Variants in DCDC2C observed in about 807,000 individuals in gnomAD.
DCDC2C encodes doublecortin domain-containing protein 2C.
A neutral mutation model predicts 45.0 loss-of-function variants in DCDC2C; 44 were observed. The observed-to-expected ratio is 0.98, with a 90% CI of 0.77 to 1.26. DCDC2C has a LOEUF of 1.26. DCDC2C is among the 50% of genes most tolerant of loss of function. The probability of loss-of-function intolerance (pLI) is 0.00; values close to 1 mark genes in which losing one functional copy is unlikely to be tolerated. For synonymous variants in DCDC2C, 187 were observed against 178.8 expected, an observed-to-expected ratio of 1.05 and a Z score of -0.37; for missense variants, 447 against 468.9, an observed-to-expected ratio of 0.95 and a Z score of 0.43.
At chr2:3,716,899 T>C (rs1406297001) in intron 2 of DCDC2C, among the ~76,000 whole-genome samples, 1 of 152,170 alleles carries the variant, frequency 6.6e-6, no homozygotes, top group Non-Finnish European at 1.5e-5. Context: ...CTGAATTCCA[T>C]TCTATTGTAT....
intron 1 of DCDC2C, 178 bp downstream of exon 1, chr2:3,704,216 C>A (rs1251748117): frequency 5.6e-6 from 3 of 538,838 alleles, no homozygotes; most frequent in Non-Finnish European, 8.4e-6. Context: ...CACGTGGTTT[C>A]CTGGGGGCGA....
At chr2:3,704,874 C>T (rs949217344) in intron 1 of DCDC2C, among the ~76,000 whole-genome samples, 3 of 152,120 alleles carry the variant, frequency 2.0e-5, no homozygotes, top group Admixed American at 2.0e-4. Context: ...CTATTGCCCT[C>T]CCACGGTTTG....
intron 10 of DCDC2C, chr2:3,844,747 C>T (rs184314672): frequency 4.9e-4 from 74 of 152,322 alleles, no homozygotes; most frequent in African/African-American, 1.7e-3. Context: ...ATTCCTTCCT[C>T]TATTCCCTAA....
chr2:3,845,857 T>G (rs143507082), intron 10 of DCDC2C, among the ~76,000 whole-genome samples: 1 of 152,332 alleles, frequency 6.6e-6, no homozygotes, highest in East Asian at 1.9e-4. Context: ...CTCCACCATT[T>G]GTTGACCACA....
chr2:3,835,306 G>A (rs1415591766), intron 10 of DCDC2C, among the ~76,000 whole-genome samples: 2 of 152,278 alleles, frequency 1.3e-5, no homozygotes, highest in South Asian at 2.1e-4. Context: ...AATTATTAAA[G>A]CAATTTTTAT....
At chr2:3,764,931 C>A (rs1056085306) in intron 6 of DCDC2C, among the ~76,000 whole-genome samples, 3 of 152,188 alleles carry the variant, frequency 2.0e-5, no homozygotes, top group African/African-American at 7.2e-5. Flanking sequence ...AATACTATAT[C>A]AGATGAATAT....
intron 10 of DCDC2C, among the ~76,000 whole-genome samples, chr2:3,839,699 C>G (rs1558250405): frequency 6.6e-6 from 1 of 152,206 alleles, no homozygotes; most frequent in African/African-American, 2.4e-5. Context: ...TCTCTCCAAC[C>G]AGCTCTTCTG....
chr2:3,798,660 G>T (rs1307190348), intron 10 of DCDC2C, among the ~76,000 whole-genome samples: 2 of 150,036 alleles, frequency 1.3e-5, no homozygotes, highest in Non-Finnish European at 3.0e-5. Context: ...GAAATTCTGG[G>T]TTGAAAATTC....
chr2:3,758,894 A>G (rs1372534258), intron 6 of DCDC2C, among the ~76,000 whole-genome samples: 1 of 152,208 alleles, frequency 6.6e-6, no homozygotes, highest in Non-Finnish European at 1.5e-5. Context: ...ACTAGCCTAG[A>G]TTTCAGGAGG....
At chr2:3,829,284 C>CTTTTTTTT (rs5828893) in intron 10 of DCDC2C, among the ~76,000 whole-genome samples, 4 of 129,592 alleles carry the variant, frequency 3.1e-5, no homozygotes, top group Non-Finnish European at 4.9e-5. Context: ...ATGTCTTTTT[C>CTTTTTTTT]TTTTTTTTTT....
In DCDC2C at chr2:3,737,314, A is replaced by G. The variant is rs368516907; in HGVS notation, c.417-4606A>G. Among the ~76,000 whole-genome samples the G allele has an allele frequency of 1.1e-3, 162 of 152,260 alleles. 1 individual carries two copies. The highest frequency in any genetic ancestry group is 3.5e-3 in the African/African-American group (147 of 41,544). ...CTTGGAACTTGACCTGGTTCTTGAG[A>G]GCAAGCATTAGGCGACCTTCACCCC... On this transcript the variant is annotated intron_variant, in intron 3 of 10. Transcript: ENST00000399143.
At chr2:3,770,685 T>C (rs1396495312) in intron 8 of DCDC2C, among the ~76,000 whole-genome samples, 1 of 152,268 alleles carries the variant, frequency 6.6e-6, no homozygotes, top group African/African-American at 2.4e-5. Flanking sequence ...CACTAGGATG[T>C]TACTGTGGCT....
chr2:3,744,605 G>A (rs1166833585), intron 4 of DCDC2C, among the ~76,000 whole-genome samples: 1 of 152,202 alleles, frequency 6.6e-6, no homozygotes, highest in African/African-American at 2.4e-5. Flanking sequence ...TAGACGCTGT[G>A]GTGGAAGAGC....
intron 10 of DCDC2C, among the ~76,000 whole-genome samples, chr2:3,799,813 G>A (rs1376233449): frequency 2.6e-5 from 4 of 152,292 alleles, no homozygotes; most frequent in Non-Finnish European, 5.9e-5. Flanking sequence ...GGTTACTGCT[G>A]TCTTTTTGTT....
rs113700626 is a variant in DCDC2C, at chr2:3,725,175, A to C, written c.340-1828A>C. ...TGAAGTAGGCAGTAGGAAGGACACC[A>C]AATGAATTTGGCTTAGTGCCGGCGG... is the stretch of plus-strand genomic sequence containing the variant. On this transcript the variant is annotated intron_variant, in intron 2 of 10. Transcript: ENST00000399143. 6.0e-3 allele frequency among the ~76,000 whole-genome samples: 921 copies of C among 152,252 alleles called. 7 individuals carry two copies. The highest frequency in any genetic ancestry group is 0.021 in the African/African-American group (868 of 41,554).
At chr2:3,803,905 C>G (rs1294377988) in intron 10 of DCDC2C, among the ~76,000 whole-genome samples, 1 of 152,212 alleles carries the variant, frequency 6.6e-6, no homozygotes, top group South Asian at 2.1e-4. Context: ...GGTGACTCTT[C>G]CGTGTTTTCC....
chr2:3,794,518 C>T lies in DCDC2C; in HGVS notation c.1065+9418C>T, dbSNP rs1163724062. ...CTCCCAATGCTATCCCTCCCCGCTCCCCCCACCCCACAACAGTCCCCAGAG... is the reference window on the plus strand; with the variant it reads ...CTCCCAATGCTATCCCTCCCCGCTCTCCCCACCCCACAACAGTCCCCAGAG... On this transcript the variant is annotated intron_variant, in intron 10 of 10. Coordinates refer to ENST00000399143, the MANE Select transcript of DCDC2C (RefSeq NM_001287444.2). Among the ~76,000 whole-genome samples the T allele has an allele frequency of 2.6e-5, 4 of 152,080 alleles. No homozygotes were observed. In the East Asian group the frequency reaches 7.7e-4, roughly 29 times the overall value.
intron 2 of DCDC2C, among the ~76,000 whole-genome samples, chr2:3,721,561 A>G (rs558064940): frequency 8.7e-4 from 133 of 152,292 alleles, no homozygotes; most frequent in Middle Eastern, 6.8e-3. Flanking sequence ...GCCCAAGACA[A>G]AACAACAAAG....
At chr2:3,706,951 G>C (rs1020277775) in intron 1 of DCDC2C, among the ~76,000 whole-genome samples, 1 of 152,212 alleles carries the variant, frequency 6.6e-6, no homozygotes, top group African/African-American at 2.4e-5. Flanking sequence ...CTGCGGTACG[G>C]TTGGGAGAAT....
Sources: gnomAD v4.1 joint callset for allele counts (sites outside exome capture counted in the v4.1 genomes callset) on GRCh38, gnomAD v4.1.1 for gene constraint, MANE v1.5 for transcripts, NCBI Gene and HGNC (gene_info 2026-07-23, HGNC 2026-07-21) for gene names.